The following ALDH1A2 variants were observed in gnomAD, a reference collection of about 807,000 sequenced individuals.
ALDH1A2 encodes the protein retinal dehydrogenase 2.
A neutral mutation model predicts 60.3 loss-of-function variants in ALDH1A2; 27 were observed. The observed-to-expected ratio is 0.45, with a 90% CI of 0.33 to 0.62. ALDH1A2 has a LOEUF of 0.62. Ranked by LOEUF, ALDH1A2 falls within the 20% of genes least tolerant of loss-of-function variation. ALDH1A2 has a pLI of 0.02. For missense variants in ALDH1A2, 581 were observed against 643.8 expected, an observed-to-expected ratio of 0.90 and a Z score of 1.06; for synonymous variants, 289 against 232.4, an observed-to-expected ratio of 1.24 and a Z score of -2.21.
intron 7 of ALDH1A2, among the ~76,000 whole-genome samples, chr15:57,988,732 C>T (rs897866856): frequency 2.6e-5 from 4 of 152,118 alleles, no homozygotes; most frequent in African/African-American, 7.2e-5. Context: ...TCATTTAAAA[C>T]GTTAAAAGAT....
intron 1 of ALDH1A2, among the ~76,000 whole-genome samples, chr15:58,016,655 G>T (rs554513292): frequency 6.6e-6 from 1 of 152,136 alleles, no homozygotes; most frequent in South Asian, 2.1e-4. Flanking sequence ...ATATTTTAGT[G>T]ATCTTATATT....
chr15:58,061,610 C>CAAAAAAAAAAAAAAAAAAAAAAAAAA (rs1216992550), intron 1 of ALDH1A2, among the ~76,000 whole-genome samples: 2 of 100,358 alleles, frequency 2.0e-5, no homozygotes, highest in Non-Finnish European at 4.2e-5. Flanking sequence ...AAAAAAAAAA[C>CAAAAAAAAAAAAAAAAAAAAAAAAAA]AAAAAAAAAA....
At chr15:57,989,792 C>T (rs1209022426) in intron 7 of ALDH1A2, among the ~76,000 whole-genome samples, 1 of 152,142 alleles carries the variant, frequency 6.6e-6, no homozygotes, top group Non-Finnish European at 1.5e-5. Flanking sequence ...AAACAACCCT[C>T]ACCTTTCATT....
At chr15:58,037,507 AT>A (rs1393983772) in intron 1 of ALDH1A2, among the ~76,000 whole-genome samples, 1 of 151,554 alleles carries the variant, frequency 6.6e-6, no homozygotes, top group African/African-American at 2.4e-5. Context: ...AACTAGCTTT[AT>A]TTTTTTTCAT....
intron 1 of ALDH1A2, among the ~76,000 whole-genome samples, chr15:58,037,326 G>A (rs868172988): frequency 5.5e-4 from 84 of 151,678 alleles, no homozygotes; most frequent in African/African-American, 1.9e-3. Context: ...ACACATTTAG[G>A]AAGGACAGTT....
rs1196017223 is a variant in ALDH1A2, at chr15:57,962,235, T to C, written c.1087-59A>G. ...AACCTTCTATGAAAATGGAAATAAGTATGTTCTTGAGAATCTTTCATTTTA... is the reference window on the plus strand; with the variant it reads ...AACCTTCTATGAAAATGGAAATAAGCATGTTCTTGAGAATCTTTCATTTTA... On this transcript the variant is annotated intron_variant, in intron 9 of 12. Transcript: ENST00000249750. 11 of 1,585,278 alleles carry C rather than the reference T, an allele frequency of 6.9e-6. No individual in the cohort carries two copies. The African/African-American group carries it at 1.5e-4, about 21-fold the overall frequency.
chr15:58,045,978 A>G (rs1189899617), intron 1 of ALDH1A2, among the ~76,000 whole-genome samples: 2 of 151,984 alleles, frequency 1.3e-5, no homozygotes, highest in South Asian at 2.1e-4. Context: ...CCTTTTGTCA[A>G]TATTTCAAAG....
Position 58,014,281 on chromosome 15 carries a change from T to C in ALDH1A2, c.118A>G (p.Ile40Val), listed in dbSNP as rs759685447. 15 of 1,612,192 alleles carry C rather than the reference T, an allele frequency of 9.3e-6. No individual in the cohort carries two copies. The highest frequency in any genetic ancestry group is 1.3e-5 in the African/African-American group (1 of 75,012). The change falls in exon 2 of 13, where the codon ATC (isoleucine) becomes GTC (valine). Residue 40 changes from isoleucine to valine, a missense_variant and splice_region_variant. Physicochemically the swap from Ile to Val is conservative, Grantham distance 29. Transcript: ENST00000249750. ...TPNLEIKYTK[I>V]FINNEWQNSE... ...TTCTGCCACTCGTTGTTTATAAAGA[T>C]CTAAGGGAGTAGATAACAGAATGGG...
intron 1 of ALDH1A2, among the ~76,000 whole-genome samples, chr15:58,052,563 C>G (rs1288848382): frequency 6.6e-6 from 1 of 151,922 alleles, no homozygotes; most frequent in African/African-American, 2.4e-5. Context: ...CTTCCTGTTA[C>G]CAGGAAATTT....
Position 58,010,908 on chromosome 15 carries a change from G to T in ALDH1A2, c.364-130C>A, listed in dbSNP as rs1050662962. The T allele has an allele frequency of 3.0e-5, 37 of 1,221,668 alleles. No individual in the cohort carries two copies. In the Middle Eastern group the frequency reaches 1.4e-3, roughly 46 times the overall value. 75.7% of individuals were successfully genotyped at this position (1,221,668 alleles called of 1,614,324 possible). On this transcript the variant is annotated intron_variant, in intron 3 of 12. Transcript: ENST00000249750. ...TGGAGTTGCATACCTGGTCAACTAT[G>T]AATTCTCAAATAAAAAGATTTCTAG...
At chr15:58,005,067 C>T (rs1457624807) in intron 4 of ALDH1A2, among the ~76,000 whole-genome samples, 1 of 151,812 alleles carries the variant, frequency 6.6e-6, no homozygotes, top group African/African-American at 2.4e-5. Context: ...TGCAGCATGG[C>T]TGACCCAGAC....
At chr15:57,978,560 T>G (rs1284658242) in intron 7 of ALDH1A2, among the ~76,000 whole-genome samples, 1 of 152,254 alleles carries the variant, frequency 6.6e-6, no homozygotes, top group African/African-American at 2.4e-5. Context: ...GATAAGATTT[T>G]TTTTTTCCTT....
At chr15:58,026,681 CCA>C (rs1459643000) in intron 1 of ALDH1A2, among the ~76,000 whole-genome samples, 4 of 152,162 alleles carry the variant, frequency 2.6e-5, no homozygotes, top group Admixed American at 6.5e-5. Context: ...TGTGCTATTC[CCA>C]CAGTCTTAGC....
intron 1 of ALDH1A2, among the ~76,000 whole-genome samples, chr15:58,044,265 C>G (rs1198279011): frequency 2.0e-5 from 3 of 151,772 alleles, no homozygotes; most frequent in Admixed American, 2.0e-4. Context: ...GGTTTTAAAC[C>G]CTGTGCACAT....
chr15:57,996,900 T>C (rs1247592047), intron 4 of ALDH1A2, among the ~76,000 whole-genome samples: 2 of 152,036 alleles, frequency 1.3e-5, no homozygotes, highest in African/African-American at 4.8e-5. Flanking sequence ...AGAGTGAACA[T>C]CTTTTCATGC....
chr15:58,045,518 GATAAAGAAAA>G (rs1896616607), intron 1 of ALDH1A2, among the ~76,000 whole-genome samples: 1 of 152,076 alleles, frequency 6.6e-6, no homozygotes, highest in Non-Finnish European at 1.5e-5. Context: ...TGATAGACTG[GATAAAGAAAA>G]TGTGAAACAT....
At chr15:57,961,910 T>C in intron 10 of ALDH1A2, 102 bp downstream of exon 10, 1 of 1,459,644 alleles carries the variant, frequency 6.9e-7, no homozygotes, top group South Asian at 1.2e-5. Flanking sequence ...AATGAATATA[T>C]GTAAAATATA....
chr15:57,998,037 G>A (rs535772493), intron 4 of ALDH1A2, among the ~76,000 whole-genome samples: 72 of 152,094 alleles, frequency 4.7e-4, no homozygotes, highest in Non-Finnish European at 8.5e-4. Flanking sequence ...AGGCATTGAT[G>A]GAACATACCT....
intron 1 of ALDH1A2, among the ~76,000 whole-genome samples, chr15:58,055,420 C>T (rs1896871796): frequency 6.6e-6 from 1 of 151,880 alleles, no homozygotes; most frequent in Non-Finnish European, 1.5e-5. Flanking sequence ...GAGCTAGGTA[C>T]TTCAGAAACA....
Sources: gnomAD v4.1 joint callset for allele counts (sites outside exome capture counted in the v4.1 genomes callset) on GRCh38, gnomAD v4.1.1 for gene constraint, MANE v1.5 for transcripts, NCBI Gene and HGNC (gene_info 2026-07-23, HGNC 2026-07-21) for gene names.